GGACT: variants seen among roughly 807,000 people sequenced by gnomAD.
The protein encoded by GGACT is gamma-glutamylaminecyclotransferase.
For missense variants in GGACT, 241 were observed against 233.2 expected, an observed-to-expected ratio of 1.03 and a Z score of -0.22; for synonymous variants, 118 against 115.3, an observed-to-expected ratio of 1.02 and a Z score of -0.15.
In GGACT at chr13:100,532,138, T is replaced by TC; in HGVS notation, c.453dup (p.Asn152GlufsTer38). The TC allele has an allele frequency of 6.9e-7, 1 of 1,447,496 alleles. No homozygotes were observed. The allele number at this position is 1,447,496 out of a possible 1,614,324, so 89.7% of individuals were successfully genotyped here. A position where few individuals can be genotyped will look rare whatever the true frequency, so the allele number is the denominator to read the frequency against. On this transcript the variant is annotated frameshift_variant, in exon 3 of 3. Coordinates refer to ENST00000683975, the MANE Select transcript of GGACT (RefSeq NM_001195087.2). LOFTEE classifies it high-confidence loss of function. ...CACCCTGCCCGTCCCCCTTATCTGT[T>TC]CTCCCGGGGGTTGTAGCGCAGCCCG...
At chr13:100,566,327 T>C (rs978506595) in intron 2 of GGACT, among the ~76,000 whole-genome samples, 6 of 152,350 alleles carry the variant, frequency 3.9e-5, no homozygotes, top group Middle Eastern at 3.4e-3. Context: ...CAAAGGCCAG[T>C]TGCCGCTCAG....
intron 2 of GGACT, among the ~76,000 whole-genome samples, chr13:100,555,764 A>C (rs1455767592): frequency 6.6e-6 from 1 of 152,214 alleles, no homozygotes; most frequent in Non-Finnish European, 1.5e-5. Flanking sequence ...AAAATTCAAC[A>C]ATATGTTAAA....
rs763410447 is a variant in GGACT at position 100,541,298 on chromosome 13, A to AAGT, written c.-10-8698_-10-8697insACT. On this transcript the variant is annotated intron_variant, in intron 2 of 2. Transcript: ENST00000683975. ...ACAGAGTGCAGGGCAAGTATCAAACAATCCACTGTGCCATAACAGGCCTGA... is the reference window on the plus strand; with the variant it reads ...ACAGAGTGCAGGGCAAGTATCAAACAAGTATCCACTGTGCCATAACAGGCCTGA... Among the ~76,000 whole-genome samples the AAGT allele has an allele frequency of 8.5e-3, 1,296 of 152,308 alleles. 10 individuals are homozygous for AAGT. The highest frequency in any genetic ancestry group is 0.015 in the Non-Finnish European group (997 of 68,014).
intron 2 of GGACT, among the ~76,000 whole-genome samples, chr13:100,543,196 G>GTTTTT (rs1566530390): frequency 2.8e-4 from 18 of 63,668 alleles, no homozygotes; most frequent in East Asian, 6.5e-4. Context: ...AAAGACACCA[G>GTTTTT]CTTTTTTTTT....
intron 1 of GGACT, among the ~76,000 whole-genome samples, chr13:100,585,855 A>AAAAAAAAAC (rs1875554339): frequency 8.7e-6 from 1 of 115,324 alleles, no homozygotes; most frequent in Admixed American, 9.0e-5. Context: ...AAAAAAAAAA[A>AAAAAAAAAC]TAGCTGGGCA....
chr13:100,580,112 T>C (rs1298180640), intron 2 of GGACT: 2 of 152,302 alleles, frequency 1.3e-5, no homozygotes, highest in Non-Finnish European at 2.9e-5. Flanking sequence ...CTGGTCTTAC[T>C]CTGCCAAAAA....
intron 1 of GGACT, among the ~76,000 whole-genome samples, chr13:100,585,578 G>A (rs1220039421): frequency 6.6e-6 from 1 of 152,004 alleles, no homozygotes; most frequent in Non-Finnish European, 1.5e-5. Flanking sequence ...GACCAGTGTG[G>A]CCAACATGGT....
At chr13:100,568,901 T>C (rs949621785) in intron 2 of GGACT, among the ~76,000 whole-genome samples, 1 of 152,244 alleles carries the variant, frequency 6.6e-6, no homozygotes, top group Non-Finnish European at 1.5e-5. Context: ...ACAGGCCCCA[T>C]GCAAGTCTGA....
At chr13:100,539,520 T>G in intron 2 of GGACT, 1 of 219,726 alleles carries the variant, frequency 4.6e-6, no homozygotes, top group Non-Finnish European at 8.9e-6. Context: ...GATTTTCTTA[T>G]ATTGAAACAT....
intron 2 of GGACT, chr13:100,533,601 T>C (rs1295517442): frequency 1.3e-5 from 2 of 152,272 alleles, no homozygotes; most frequent in Non-Finnish European, 2.9e-5. Flanking sequence ...GTTTCAGCAC[T>C]GAGTTCCACT....
At chr13:100,540,325 T>C in intron 2 of GGACT, 1 of 760,534 alleles carries the variant, frequency 1.3e-6, no homozygotes, top group Admixed American at 1.9e-5. Context: ...GTCTCTTTAC[T>C]AGTTGTAGGT....
intron 2 of GGACT, chr13:100,580,205 T>C (rs1875373964): frequency 6.6e-6 from 1 of 152,262 alleles, no homozygotes; most frequent in South Asian, 2.1e-4. Flanking sequence ...AGCAAACATG[T>C]CCATGCCCTA....
intron 2 of GGACT, among the ~76,000 whole-genome samples, chr13:100,577,028 A>T (rs916118162): frequency 2.6e-5 from 4 of 152,244 alleles, no homozygotes; most frequent in Non-Finnish European, 5.9e-5. Context: ...CTGGCATACA[A>T]AATTATTTTT....
intron 2 of GGACT, among the ~76,000 whole-genome samples, chr13:100,543,287 A>C (rs2088572213): frequency 7.6e-6 from 1 of 131,824 alleles, no homozygotes; most frequent in Non-Finnish European, 1.5e-5. Context: ...GGCTCACTGC[A>C]ACCTCCGCCT....
chr13:100,566,355 T>A (rs1874878074), intron 2 of GGACT, among the ~76,000 whole-genome samples: 1 of 152,268 alleles, frequency 6.6e-6, no homozygotes, highest in African/African-American at 2.4e-5. Flanking sequence ...TCACACTGCC[T>A]GTGGTACTTT....
chr13:100,573,610 C>T lies in GGACT; in HGVS notation c.-11+10215G>A, dbSNP rs1295643254. Among the ~76,000 whole-genome samples the T allele has an allele frequency of 2.0e-5, 3 of 152,084 alleles. No individual in the cohort carries two copies. In the East Asian group the frequency reaches 5.8e-4, roughly 29 times the overall value. On this transcript the variant is annotated intron_variant, in intron 2 of 2. Transcript: ENST00000683975. ...TCAAGCAATCCACACGCCTCAGCCT[C>T]CTAAAATGCTAGGATTACAGGTGAG...
At chr13:100,539,054 A>G (rs573276096) in intron 2 of GGACT, 1 of 152,356 alleles carries the variant, frequency 6.6e-6, no homozygotes, top group South Asian at 2.1e-4. Flanking sequence ...ATTTGTGTGA[A>G]TTTTGTCTCC....
At chr13:100,563,165 T>C (rs956604409) in intron 2 of GGACT, among the ~76,000 whole-genome samples, 8 of 152,196 alleles carry the variant, frequency 5.3e-5, no homozygotes, top group African/African-American at 1.9e-4. Flanking sequence ...AATGCACTGA[T>C]GGATGCTGCC....
chr13:100,546,115 C>G (rs2088601073), intron 2 of GGACT, among the ~76,000 whole-genome samples: 1 of 152,114 alleles, frequency 6.6e-6, no homozygotes, highest in African/African-American at 2.4e-5. Flanking sequence ...AATGCCAGCA[C>G]TTTGGGAGGC....
Sources: allele counts gnomAD v4.1 joint callset (sites outside exome capture counted in the v4.1 genomes callset), GRCh38; gene constraint gnomAD v4.1.1; transcripts MANE v1.5; gene names NCBI Gene and HGNC (gene_info 2026-07-23, HGNC 2026-07-21).